ANO2: variants seen among roughly 807,000 people sequenced by gnomAD.
ANO2 encodes the protein anoctamin-2.
Under a neutral mutation model 124.2 loss-of-function variants are expected in ANO2, and 101 were observed. That is an observed-to-expected ratio of 0.81 (90% CI 0.69 to 0.96). The LOEUF is 0.96. Ranked by LOEUF, ANO2 falls within the 40% of genes least tolerant of loss-of-function variation. The probability of loss-of-function intolerance (pLI) is 0.00; values close to 1 mark genes in which losing one functional copy is unlikely to be tolerated. For synonymous variants in ANO2, 486 were observed against 482.5 expected, an observed-to-expected ratio of 1.01 and a Z score of -0.09; for missense variants, 1,293 against 1,274.5, an observed-to-expected ratio of 1.01 and a Z score of -0.22.
intron 14 of ANO2, among the ~76,000 whole-genome samples, chr12:5,698,194 C>T (rs1949266600): frequency 6.6e-6 from 1 of 152,214 alleles, no homozygotes. Context: ...GGAGGCACCT[C>T]CCAGTAGGGG....
chr12:5,623,412 G>A (rs919523538), intron 16 of ANO2, among the ~76,000 whole-genome samples: 6 of 152,118 alleles, frequency 3.9e-5, no homozygotes, highest in African/African-American at 7.2e-5. Flanking sequence ...TCCACTTCCC[G>A]CCAGAAAGGA....
intron 16 of ANO2, among the ~76,000 whole-genome samples, chr12:5,629,712 A>T (rs1394057544): frequency 6.6e-6 from 1 of 151,624 alleles, no homozygotes; most frequent in African/African-American, 2.4e-5. Flanking sequence ...CTGGAATCCT[A>T]CCCCCGCAGC....
chr12:5,649,496 A>G (rs454704), intron 14 of ANO2, among the ~76,000 whole-genome samples: 63,887 of 152,084 alleles, frequency 0.42, 15,523 homozygotes, highest in African/African-American at 0.66. Context: ...AACAAGACTC[A>G]TTCATATTCT....
intron 10 of ANO2, among the ~76,000 whole-genome samples, chr12:5,768,999 C>T (rs904987461): frequency 6.6e-6 from 1 of 152,152 alleles, no homozygotes; most frequent in Non-Finnish European, 1.5e-5. Flanking sequence ...GAGGGCTGGG[C>T]TCGGGATGGC....
chr12:5,727,841 C>A (rs2362467), intron 14 of ANO2, among the ~76,000 whole-genome samples: 1 of 148,782 alleles, frequency 6.7e-6, no homozygotes, highest in Non-Finnish European at 1.5e-5. Flanking sequence ...GAGTCTTGCT[C>A]TGTCCCCCAG....
chr12:5,581,254 C>G lies in ANO2; in HGVS notation c.2234-2736G>C, dbSNP rs966375916. The stretch of plus-strand genomic sequence containing the variant: ...CTTCTTGATTCTAATGAGCTCAGTT[C>G]AGCAGGGCAAATGTTCTTATCATGA... On this transcript the variant is annotated intron_variant, in intron 20 of 24. Coordinates refer to ENST00000682330, the MANE Select transcript of ANO2 (RefSeq NM_001364791.2). Among the ~76,000 whole-genome samples the G allele has an allele frequency of 3.3e-5, 5 of 152,170 alleles. No individual in the cohort carries two copies. In the South Asian group the frequency reaches 1.0e-3, roughly 32 times the overall value.
At chr12:5,637,568 C>A (rs992686201) in intron 15 of ANO2, among the ~76,000 whole-genome samples, 2 of 152,116 alleles carry the variant, frequency 1.3e-5, no homozygotes, top group Non-Finnish European at 2.9e-5. Context: ...CAAGGACCAG[C>A]TGCATCAGCT....
chr12:5,728,267 A>G (rs1950518647), intron 14 of ANO2, among the ~76,000 whole-genome samples: 1 of 152,220 alleles, frequency 6.6e-6, no homozygotes, highest in African/African-American at 2.4e-5. Flanking sequence ...TAAGGAATCC[A>G]TTAAAAATTA....
At chr12:5,713,545 T>C (rs570403691) in intron 14 of ANO2, among the ~76,000 whole-genome samples, 66 of 152,262 alleles carry the variant, frequency 4.3e-4, no homozygotes, top group African/African-American at 1.5e-3. Context: ...GGTGCCAACA[T>C]TGTCATCGGC....
At chr12:5,574,266 T>G (rs1942283453) in intron 23 of ANO2, among the ~76,000 whole-genome samples, 1 of 152,182 alleles carries the variant, frequency 6.6e-6, no homozygotes, top group African/African-American at 2.4e-5. Flanking sequence ...TTCTCTTCAT[T>G]TGCCCTTCTT....
intron 10 of ANO2, among the ~76,000 whole-genome samples, chr12:5,768,890 GC>G (rs1951982718): frequency 6.6e-6 from 1 of 152,154 alleles, no homozygotes; most frequent in African/African-American, 2.4e-5. Flanking sequence ...ACTCACAAGG[GC>G]TCTGAGTTCT....
chr12:5,592,511 C>T (rs1461342861), intron 20 of ANO2, among the ~76,000 whole-genome samples: 2 of 152,158 alleles, frequency 1.3e-5, no homozygotes, highest in African/African-American at 4.8e-5. Context: ...AGATGCAAAA[C>T]AAGAGCCAGC....
At chr12:5,922,915 C>T (rs1941784824) in intron 1 of ANO2, 111 bp from the exon 2 acceptor site, 3 of 1,148,806 alleles carry the variant, frequency 2.6e-6, no homozygotes, top group Non-Finnish European at 3.5e-6. Flanking sequence ...GCCCATTTTG[C>T]TTCACAGCTG....
At chr12:5,741,812 AG>A (rs1951104961) in intron 12 of ANO2, among the ~76,000 whole-genome samples, 1 of 152,294 alleles carries the variant, frequency 6.6e-6, no homozygotes, top group African/African-American at 2.4e-5. Flanking sequence ...TCAAAGATTA[AG>A]TAATCTGCCC....
At chr12:5,704,675 A>C (rs1258504349) in intron 14 of ANO2, among the ~76,000 whole-genome samples, 2 of 150,004 alleles carry the variant, frequency 1.3e-5, no homozygotes, top group Non-Finnish European at 3.0e-5. Flanking sequence ...TTCTTTAGCA[A>C]GAGTAAGTGC....
In ANO2 at chr12:5,904,520, A is replaced by T. The variant is rs2136285590; in HGVS notation, c.534+16520T>A. Among the ~76,000 whole-genome samples the T allele has an allele frequency of 6.6e-6, 1 of 152,306 alleles. No homozygotes were observed. The highest frequency in any genetic ancestry group is 1.5e-5 in the Non-Finnish European group (1 of 68,024). Reference sequence around the variant, plus strand: ...TCTCCTGATGCCTGTAGCACGAATGAGCGGCGCACACACCTGTGGGTTTAT... The same window carrying T: ...TCTCCTGATGCCTGTAGCACGAATGTGCGGCGCACACACCTGTGGGTTTAT... On this transcript the variant is annotated intron_variant, in intron 3 of 24. Transcript: ENST00000682330. This position sits in a 1 kb window ranked among gnomAD's most constrained non-coding sequence, Gnocchi z 4.1.
intron 3 of ANO2, among the ~76,000 whole-genome samples, chr12:5,861,701 G>C (rs1050569463): frequency 1.3e-5 from 2 of 152,132 alleles, no homozygotes; most frequent in African/African-American, 2.4e-5. Flanking sequence ...AAGGAAGGGT[G>C]GGGGGATGAG....
intron 7 of ANO2, among the ~76,000 whole-genome samples, chr12:5,813,621 T>C (rs1953504783): frequency 6.6e-6 from 1 of 152,222 alleles, no homozygotes; most frequent in South Asian, 2.1e-4. Context: ...CTGCTCTGGA[T>C]GCTCCTTATT....
chr12:5,894,391 C>G (rs1939628566), intron 3 of ANO2, among the ~76,000 whole-genome samples: 1 of 151,946 alleles, frequency 6.6e-6, no homozygotes, highest in Admixed American at 6.6e-5. Context: ...GGATATTAGC[C>G]CTTTGTCAGA....
Sources: allele counts gnomAD v4.1 joint callset (sites outside exome capture counted in the v4.1 genomes callset), GRCh38; gene constraint gnomAD v4.1.1; non-coding constraint Gnocchi (gnomAD v3.1); transcripts MANE v1.5; gene names NCBI Gene and HGNC (gene_info 2026-07-23, HGNC 2026-07-21).